Variants in TM2D1 observed in about 807,000 individuals in gnomAD.
TM2D1 encodes the protein TM2 domain-containing protein 1.
Under a neutral mutation model 28.4 loss-of-function variants are expected in TM2D1, and 15 were observed. The observed-to-expected ratio is 0.53, with a 90% CI of 0.35 to 0.81. TM2D1 has a LOEUF of 0.81. Among genes scored for constraint, TM2D1 ranks in the 40% least tolerant of loss-of-function variants. The pLI is 0.01. For synonymous variants in TM2D1, 93 were observed against 96.2 expected (o/e 0.97, Z 0.20); for missense variants, 236 against 254.9 (o/e 0.93, Z 0.50).
At chr1:61,685,536 T>C (rs1425528730) in intron 5 of TM2D1, among the ~76,000 whole-genome samples, 2 of 152,206 alleles carry the variant, frequency 1.3e-5, no homozygotes, top group Non-Finnish European at 2.9e-5. Context: ...GGTTCTATGC[T>C]AGACATTATA....
intron 2 of TM2D1, among the ~76,000 whole-genome samples, chr1:61,710,446 ATGT>A (rs1557536059): frequency 1.1e-4 from 12 of 104,378 alleles, no homozygotes; most frequent in Admixed American, 3.7e-4. Context: ...AAAAAAAAAA[ATGT>A]ATATATATAT....
intron 4 of TM2D1, 36 bp from the exon 5 acceptor site, chr1:61,694,806 G>A (rs1644352394): frequency 1.4e-6 from 2 of 1,426,530 alleles, no homozygotes; most frequent in South Asian, 2.7e-5. Context: ...TAATCTGGAA[G>A]GTCTTCTAAA....
intron 2 of TM2D1, among the ~76,000 whole-genome samples, chr1:61,712,119 G>A (rs1250454105): frequency 2.0e-5 from 3 of 152,038 alleles, no homozygotes; most frequent in Admixed American, 2.0e-4. Flanking sequence ...AACATTTTCA[G>A]TTGTCACTGG....
chr1:61,704,835 TGGGA>T (rs983484172), intron 3 of TM2D1, among the ~76,000 whole-genome samples: 2 of 152,026 alleles, frequency 1.3e-5, no homozygotes, highest in Non-Finnish European at 2.9e-5. Context: ...GAGGCTGAGG[TGGGA>T]GGATCACTTC....
chr1:61,716,464 T>TATAATTATATATAATTTTATATACATAA (rs1326181799), intron 2 of TM2D1, among the ~76,000 whole-genome samples: 2 of 145,398 alleles, frequency 1.4e-5, no homozygotes, highest in African/African-American at 5.0e-5. Context: ...TATATACATA[T>TATAATTATATATAATTTTATATACATAA]ATAATTATAT....
At chr1:61,707,330 A>G (rs1050297085) in intron 3 of TM2D1, among the ~76,000 whole-genome samples, 1 of 152,224 alleles carries the variant, frequency 6.6e-6, no homozygotes, top group African/African-American at 2.4e-5. Flanking sequence ...CCATTTTGAG[A>G]CACTGAAAGA....
At chr1:61,721,395 A>G (rs12144284) in intron 2 of TM2D1, among the ~76,000 whole-genome samples, 26,925 of 151,878 alleles carry the variant, frequency 0.18, 3,009 homozygotes, top group Non-Finnish European at 0.25. Flanking sequence ...TACAAAGATT[A>G]GCTGGGCATG....
chr1:61,701,781 A>G (rs1644403509), intron 3 of TM2D1, among the ~76,000 whole-genome samples: 1 of 152,280 alleles, frequency 6.6e-6, no homozygotes, highest in Non-Finnish European at 1.5e-5. Flanking sequence ...GCAAAAACTA[A>G]TGCTGAAATC....
At chr1:61,708,038 CAAACTT>C (rs1303025420) in intron 3 of TM2D1, among the ~76,000 whole-genome samples, 3 of 152,070 alleles carry the variant, frequency 2.0e-5, no homozygotes, top group Non-Finnish European at 2.9e-5. Context: ...AAAGAGAAAT[CAAACTT>C]AAAAGTCCTT....
rs1557543578 is a variant in TM2D1 at position 61,725,102 on chromosome 1, A to ACGGCCAGG, written c.11_18dup (p.Ser7ProfsTer12). 1.1e-5 allele frequency: 18 copies of ACGGCCAGG among 1,613,590 alleles called. No homozygotes were observed. Among genetic ancestry groups the ACGGCCAGG allele is most frequent in the Non-Finnish European group, 1.4e-5 (17 of 1,179,874 alleles). On this transcript the variant is annotated frameshift_variant, in exon 1 of 7. Coordinates refer to ENST00000606498, the MANE Select transcript of TM2D1 (RefSeq NM_032027.3). LOFTEE classifies it high-confidence loss of function. ...ACGGCCTCCGGAGCAGACGGACCAG[A>ACGGCCAGG]CGGCCAGGCGGCCGCCATCTTGGAG...
intron 4 of TM2D1, among the ~76,000 whole-genome samples, chr1:61,695,699 A>T (rs915860106): frequency 1.3e-5 from 2 of 152,236 alleles, no homozygotes; most frequent in African/African-American, 4.8e-5. Context: ...CTGAGAATAC[A>T]CAAATAAGAT....
intron 3 of TM2D1, among the ~76,000 whole-genome samples, chr1:61,703,554 A>C (rs2148051214): frequency 6.8e-6 from 1 of 147,340 alleles, no homozygotes; most frequent in South Asian, 2.1e-4. Context: ...CTGGGATTAC[A>C]GGCATGTGCC....
In TM2D1 at chr1:61,697,809, T is replaced by G. The variant is rs554630265; in HGVS notation, c.440-3039A>C. On this transcript the variant is annotated intron_variant, in intron 4 of 6. Transcript: ENST00000606498. ...TAAATTTGTTAGTTCCTTAAACTTT[T>G]AAATATTATCTCTGATCTGTTCTCT... The G allele has an allele frequency of 9.2e-5, 14 of 152,352 alleles. No individual in the cohort carries two copies. In the South Asian group the frequency reaches 2.7e-3, roughly 29 times the overall value. 9.4% of individuals were successfully genotyped at this position (152,352 alleles called of 1,614,324 possible).
intron 5 of TM2D1, among the ~76,000 whole-genome samples, chr1:61,691,933 ATATATATATATATATATAT>A (rs1215600323): frequency 1.2e-5 from 1 of 83,026 alleles, no homozygotes; most frequent in African/African-American, 3.4e-5. Flanking sequence ...AAAAAAAAAA[ATATATATATATATATATAT>A]ATATATATGT....
intron 2 of TM2D1, among the ~76,000 whole-genome samples, chr1:61,716,425 ATATAT>A (rs959926485): frequency 7.2e-6 from 1 of 139,572 alleles, no homozygotes; most frequent in Non-Finnish European, 1.5e-5. Flanking sequence ...GTATATAATT[ATATAT>A]AAGTGTATAA....
At chr1:61,699,348 CA>C (rs1038013857) in intron 4 of TM2D1, 22 of 141,514 alleles carry the variant, frequency 1.6e-4, no homozygotes, top group African/African-American at 1.3e-4. Context: ...CTCTGTCACA[CA>C]AAAAAAAAAG....
intron 2 of TM2D1, among the ~76,000 whole-genome samples, chr1:61,711,158 C>T (rs1310101547): frequency 2.0e-5 from 3 of 147,164 alleles, no homozygotes; most frequent in African/African-American, 7.5e-5. Context: ...GGCAACATGG[C>T]GAAAACCCAT....
At chr1:61,722,713 T>C (rs971530577) in intron 2 of TM2D1, among the ~76,000 whole-genome samples, 3 of 152,218 alleles carry the variant, frequency 2.0e-5, no homozygotes, top group African/African-American at 7.2e-5. Flanking sequence ...AGTTAACTTA[T>C]AAATATCCTT....
intron 2 of TM2D1, among the ~76,000 whole-genome samples, chr1:61,710,493 T>TAC (rs1644470721): frequency 1.9e-5 from 1 of 51,638 alleles, no homozygotes; most frequent in African/African-American, 7.5e-5. Context: ...CACACACACA[T>TAC]ATACACACAT....
Sources: allele counts gnomAD v4.1 joint callset (sites outside exome capture counted in the v4.1 genomes callset), GRCh38; gene constraint gnomAD v4.1.1; transcripts MANE v1.5; gene names NCBI Gene and HGNC (gene_info 2026-07-23, HGNC 2026-07-21).